COL23A1: variants seen among roughly 807,000 people sequenced by gnomAD.
COL23A1 encodes the protein collagen alpha-1(XXIII) chain.
A neutral mutation model predicts 99.3 loss-of-function variants in COL23A1; 97 were observed. The ratio of observed to expected loss-of-function variants is 0.98; its 90% CI spans 0.83 to 1.16. The LOEUF (loss-of-function observed/expected upper bound fraction) is 1.16, where lower values mean the gene tolerates loss of function less well. COL23A1 is among the 50% of genes most tolerant of loss of function. The probability of loss-of-function intolerance (pLI) is 0.00; values close to 1 mark genes in which losing one functional copy is unlikely to be tolerated. For missense variants in COL23A1, 762 were observed against 757.4 expected, an observed-to-expected ratio of 1.01 and a Z score of -0.07; for synonymous variants, 320 against 308.2, an observed-to-expected ratio of 1.04 and a Z score of -0.40.
rs74525927 is a variant in COL23A1 at position 178,292,330 on chromosome 5, C to T, written c.407-1961G>A. 3.2e-3 allele frequency among the ~76,000 whole-genome samples: 492 copies of T among 152,356 alleles called. 4 individuals are homozygous for T. The highest frequency in any genetic ancestry group is 0.011 in the African/African-American group (465 of 41,578). On this transcript the variant is annotated intron_variant, in intron 3 of 28. Coordinates refer to ENST00000390654, the MANE Select transcript of COL23A1 (RefSeq NM_173465.4). ...CTGTCCCCTCTGTATTGCCCAGAGC[C>T]TGGCCCCATCTACGGTCCCTCTGGA... is the stretch of plus-strand genomic sequence containing the variant.
chr5:178,308,894 C>T lies in COL23A1; in HGVS notation c.362-1975G>A, dbSNP rs1479593048. ...GCGAGGTACGGGAACGGGAGCCCCC[C>T]GGCACACGCAGCACCATGTTCCTCG... On this transcript the variant is annotated intron_variant, in intron 2 of 28. Coordinates refer to ENST00000390654, the MANE Select transcript of COL23A1 (RefSeq NM_173465.4). The surrounding 1 kb of genome is among the most constrained non-coding windows in gnomAD (Gnocchi z 5.1). Among the ~76,000 whole-genome samples the T allele has an allele frequency of 2.6e-5, 4 of 152,140 alleles. No individual in the cohort carries two copies. Among genetic ancestry groups the T allele is most frequent in the Non-Finnish European group, 5.9e-5 (4 of 68,022 alleles).
chr5:178,446,002 T>C (rs1318886144), intron 2 of COL23A1, among the ~76,000 whole-genome samples: 1 of 152,074 alleles, frequency 6.6e-6, no homozygotes, highest in Non-Finnish European at 1.5e-5. Flanking sequence ...AAAATAACTA[T>C]GACTGTCTAG....
intron 16 of COL23A1, 121 bp from the exon 17 acceptor site, chr5:178,252,718 C>G: frequency 5.0e-6 from 4 of 792,902 alleles, no homozygotes; most frequent in Non-Finnish European, 8.0e-6. Flanking sequence ...GGGCAGGGTC[C>G]TTGGGGACTG....
At chr5:178,263,443 A>G in intron 8 of COL23A1, 119 bp from the exon 9 acceptor site, 1 of 652,210 alleles carries the variant, frequency 1.5e-6, no homozygotes. Flanking sequence ...GCAGGCTCAA[A>G]GGGGAGGGCT....
At chr5:178,297,836 G>A (rs2973783) in intron 3 of COL23A1, among the ~76,000 whole-genome samples, 99,728 of 152,030 alleles carry the variant, frequency 0.66, 33,301 homozygotes, top group African/African-American at 0.7. Flanking sequence ...CCTGGAGGCC[G>A]TCACATCTTC....
intron 2 of COL23A1, chr5:178,344,765 T>C: frequency 4.2e-6 from 2 of 478,018 alleles, no homozygotes; most frequent in African/African-American, 2.0e-5. Flanking sequence ...GCCTACTGTA[T>C]GCCCGTTGCC....
intron 1 of COL23A1, among the ~76,000 whole-genome samples, chr5:178,578,119 A>G (rs1037750606): frequency 8.2e-5 from 12 of 145,458 alleles, no homozygotes; most frequent in Non-Finnish European, 1.0e-4. Flanking sequence ...GCACACATTC[A>G]TGCACACACA....
At chr5:178,363,060 C>A (rs1330811010) in intron 2 of COL23A1, among the ~76,000 whole-genome samples, 1 of 145,080 alleles carries the variant, frequency 6.9e-6, no homozygotes, top group Non-Finnish European at 1.5e-5. Flanking sequence ...CCCACAGCAA[C>A]CCCACATATT....
chr5:178,269,494 T>TCCACCCATCCACCCATCCAC (rs1756138056), intron 6 of COL23A1, among the ~76,000 whole-genome samples: 1 of 70,630 alleles, frequency 1.4e-5, no homozygotes, highest in Non-Finnish European at 2.5e-5. Flanking sequence ...CACCCACCCA[T>TCCACCCATCCACCCATCCAC]CCACCCATCC....
At chr5:178,321,895 GC>G (rs1759340679) in intron 2 of COL23A1, among the ~76,000 whole-genome samples, 1 of 151,564 alleles carries the variant, frequency 6.6e-6, no homozygotes, top group African/African-American at 2.4e-5. Context: ...GCTCACTGCA[GC>G]CTCTACCTCT....
intron 2 of COL23A1, among the ~76,000 whole-genome samples, chr5:178,349,111 G>A (rs1761155342): frequency 6.6e-6 from 1 of 152,236 alleles, no homozygotes; most frequent in South Asian, 2.1e-4. Context: ...TCTCAGCACA[G>A]CGAGAACTCG....
At chr5:178,256,235 A>G (rs556240239) in intron 15 of COL23A1, 118 bp downstream of exon 15, 1 of 627,198 alleles carries the variant, frequency 1.6e-6, no homozygotes, top group African/African-American at 1.9e-5. Context: ...AAAGTAAAAT[A>G]CTCCCAGTTC....
intron 2 of COL23A1, among the ~76,000 whole-genome samples, chr5:178,374,027 C>T (rs1291627656): frequency 6.6e-6 from 1 of 152,160 alleles, no homozygotes; most frequent in African/African-American, 2.4e-5. Flanking sequence ...GATTTGGACG[C>T]GTTCTCACAG....
rs573252650 is a variant in COL23A1, at chr5:178,389,867, G to A, written c.362-82948C>T. Among the ~76,000 whole-genome samples the A allele has an allele frequency of 4.6e-5, 7 of 152,292 alleles. No homozygotes were observed. In the South Asian group the frequency reaches 1.5e-3, roughly 32 times the overall value. The stretch of plus-strand genomic sequence containing the variant: ...AGGCAGTGTGTGGAGAAACAGCTAC[G>A]TCCAGCCCTCCTGAGCCGTTCTGAA... On this transcript the variant is annotated intron_variant, in intron 2 of 28. Coordinates refer to ENST00000390654, the MANE Select transcript of COL23A1 (RefSeq NM_173465.4).
chr5:178,365,975 C>T lies in COL23A1; in HGVS notation c.362-59056G>A, dbSNP rs769266081. ...AGACACGCCCAGTTCAAGCCCCACT[C>T]CAGCCCTCCTCAAGTGGGTCACTCC... On this transcript the variant is annotated intron_variant, in intron 2 of 28. Transcript: ENST00000390654. This position sits in a 1 kb window ranked among gnomAD's most constrained non-coding sequence, Gnocchi z 5.2. Among the ~76,000 whole-genome samples, 48 of 152,164 alleles carry T rather than the reference C, an allele frequency of 3.2e-4. No individual in the cohort carries two copies. Among genetic ancestry groups the T allele is most frequent in the Non-Finnish European group, 6.2e-4 (42 of 68,022 alleles).
intron 2 of COL23A1, among the ~76,000 whole-genome samples, chr5:178,538,719 C>T (rs966177131): frequency 1.3e-5 from 2 of 152,162 alleles, no homozygotes; most frequent in Non-Finnish European, 2.9e-5. Context: ...CAATTCCAGT[C>T]CTAGCTATCT....
chr5:178,298,301 G>C (rs1020338677), intron 3 of COL23A1, among the ~76,000 whole-genome samples: 1 of 152,178 alleles, frequency 6.6e-6, no homozygotes, highest in Non-Finnish European at 1.5e-5. Flanking sequence ...AGGTGGGCAA[G>C]CTGCTTGTTG....
intron 2 of COL23A1, among the ~76,000 whole-genome samples, chr5:178,447,099 T>TTA (rs1380662451): frequency 1.1e-5 from 1 of 94,434 alleles, no homozygotes; most frequent in East Asian, 2.0e-4. Context: ...TTTATTATTA[T>TTA]TTTTTTTTTT....
chr5:178,462,338 G>C (rs1053840381), intron 2 of COL23A1, among the ~76,000 whole-genome samples: 2 of 152,098 alleles, frequency 1.3e-5, no homozygotes, highest in African/African-American at 4.8e-5. Context: ...ACATTCTTCT[G>C]TCACTGATGT....
Sources: gnomAD v4.1 joint callset for allele counts (sites outside exome capture counted in the v4.1 genomes callset) on GRCh38, gnomAD v4.1.1 for gene constraint, Gnocchi (gnomAD v3.1) non-coding constraint, MANE v1.5 for transcripts, NCBI Gene and HGNC (gene_info 2026-07-23, HGNC 2026-07-21) for gene names.